Variants in ENOX2 observed in about 807,000 individuals in gnomAD.
ENOX2 encodes the protein ecto-NOX disulfide-thiol exchanger 2, also known as APK1 antigen.
Under a neutral mutation model 45.0 loss-of-function variants are expected in ENOX2, and 36 were observed. The observed-to-expected ratio is 0.80, with a 90% CI of 0.61 to 1.06. The LOEUF is 1.06. ENOX2 is among the 50% of genes least tolerant of loss of function. The probability of loss-of-function intolerance (pLI) is 0.00; values close to 1 mark genes in which losing one functional copy is unlikely to be tolerated. For synonymous variants in ENOX2, 174 were observed against 152.3 expected, an observed-to-expected ratio of 1.14 and a Z score of -1.05; for missense variants, 423 against 462.5, an observed-to-expected ratio of 0.91 and a Z score of 0.78.
intron 2 of ENOX2, among the ~76,000 whole-genome samples, chrX:130,890,548 C>T (rs1398341347): frequency 8.9e-6 from 1 of 112,518 alleles, no homozygotes; most frequent in Admixed American, 9.4e-5. Flanking sequence ...CGGGAAGACA[C>T]AGAACTAATT....
intron 2 of ENOX2, among the ~76,000 whole-genome samples, chrX:130,892,585 C>T (rs1173002888): frequency 8.9e-6 from 1 of 112,665 alleles, no homozygotes; most frequent in Admixed American, 9.4e-5. Flanking sequence ...TCCTCTGGCA[C>T]TAGCTCTGTT....
intron 3 of ENOX2, among the ~76,000 whole-genome samples, chrX:130,754,410 A>G (rs1243858040): frequency 9.0e-6 from 1 of 111,447 alleles, no homozygotes; most frequent in African/African-American, 3.3e-5. Context: ...GTATCTTTCA[A>G]ACACTGTCAC....
chrX:130,692,583 T>TC (rs1463552458), intron 4 of ENOX2, among the ~76,000 whole-genome samples: 1 of 104,896 alleles, frequency 9.5e-6, no homozygotes, highest in East Asian at 3.0e-4. Flanking sequence ...TCTCTCTGTT[T>TC]TTTTTTTTTT....
chrX:130,824,762 A>T (rs1403466906), intron 2 of ENOX2, among the ~76,000 whole-genome samples: 1 of 111,813 alleles, frequency 8.9e-6, no homozygotes, highest in Non-Finnish European at 1.9e-5. Context: ...CACATGGCCA[A>T]TAAACACATG....
intron 4 of ENOX2, among the ~76,000 whole-genome samples, chrX:130,693,771 G>T (rs1487630542): frequency 8.9e-6 from 1 of 112,068 alleles, no homozygotes; most frequent in African/African-American, 3.2e-5. Context: ...ATGGGCTCTA[G>T]AACTGCTTTA....
At chrX:130,870,777 G>T (rs1409589383) in intron 2 of ENOX2, among the ~76,000 whole-genome samples, 1 of 110,908 alleles carries the variant, frequency 9.0e-6, no homozygotes, top group Non-Finnish European at 1.9e-5. Context: ...TTCTTATTTT[G>T]CCCTCTTAAG....
intron 3 of ENOX2, 102 bp from the exon 4 acceptor site, chrX:130,703,356 G>C: frequency 2.4e-6 from 2 of 821,952 alleles, no homozygotes; most frequent in Non-Finnish European, 3.4e-6. Context: ...GAAATGGCTG[G>C]AGAAATGGAC....
chrX:130,645,745 T>A (rs1257084141), intron 10 of ENOX2: 1 of 811,205 alleles, frequency 1.2e-6, no homozygotes, highest in African/African-American at 2.0e-5. Context: ...GCAGCCATGG[T>A]GTGGCGCCGG....
At chrX:130,849,083 T>C (rs920551814) in intron 2 of ENOX2, among the ~76,000 whole-genome samples, 7 of 112,601 alleles carry the variant, frequency 6.2e-5, no homozygotes, top group African/African-American at 2.3e-4. Context: ...GGCTCAATTA[T>C]ACTTTTAAAG....
intron 3 of ENOX2, among the ~76,000 whole-genome samples, chrX:130,735,948 G>A (rs916024645): frequency 3.6e-5 from 4 of 112,111 alleles, no homozygotes; most frequent in Non-Finnish European, 5.6e-5. Flanking sequence ...AAATGTATGC[G>A]ATGAAATGCT....
Position 130,773,505 on chromosome X carries a change from G to T in ENOX2, c.-39+10042C>A, listed in dbSNP as rs1252203719. On this transcript the variant is annotated intron_variant, in intron 3 of 14. Coordinates refer to ENST00000394363, the MANE Select transcript of ENOX2 (RefSeq NM_006375.4). ...GTTTGCTTGAGTTTATACATGTAAA[G>T]CACTTGGTCATAGCGGTTGGCATAC... Among the ~76,000 whole-genome samples the T allele has an allele frequency of 2.7e-5, 3 of 112,262 alleles. No individual in the cohort carries two copies. The East Asian group carries it at 8.3e-4, about 31-fold the overall frequency.
At chrX:130,802,592 C>T (rs955270065) in intron 2 of ENOX2, among the ~76,000 whole-genome samples, 4 of 111,708 alleles carry the variant, frequency 3.6e-5, no homozygotes, top group Admixed American at 9.5e-5. Context: ...AGCTCAGAGA[C>T]GCTAAAGTGA....
chrX:130,870,455 C>T (rs1276949012), intron 2 of ENOX2, among the ~76,000 whole-genome samples: 2 of 111,652 alleles, frequency 1.8e-5, no homozygotes, highest in African/African-American at 6.5e-5. Context: ...TTTGTGGGAA[C>T]ATCTGTTTGT....
intron 2 of ENOX2, among the ~76,000 whole-genome samples, chrX:130,901,167 T>C (rs1248497779): frequency 4.5e-5 from 5 of 112,231 alleles, no homozygotes; most frequent in Admixed American, 3.8e-4. Context: ...AGTGAATCAT[T>C]TGGGTTTTGG....
intron 10 of ENOX2, among the ~76,000 whole-genome samples, chrX:130,654,879 A>G (rs1460618687): frequency 8.9e-6 from 1 of 112,160 alleles, no homozygotes; most frequent in Non-Finnish European, 1.9e-5. Flanking sequence ...AGCAAAATGC[A>G]ATTATATAAC....
At chrX:130,631,018 A>G (rs1020039522) in intron 13 of ENOX2, among the ~76,000 whole-genome samples, 48 of 110,618 alleles carry the variant, frequency 4.3e-4, no homozygotes, top group Admixed American at 3.2e-3. Context: ...ATTTGGTGTC[A>G]GAAGTGTTGT....
chrX:130,626,096 GAA>G (rs1470187996), intron 14 of ENOX2, among the ~76,000 whole-genome samples: 19 of 111,779 alleles, frequency 1.7e-4, no homozygotes, highest in Non-Finnish European at 3.2e-4. Context: ...AGGGGATCCT[GAA>G]AGACACCCAG....
At chrX:130,638,381 T>C (rs1052725998) in intron 10 of ENOX2, among the ~76,000 whole-genome samples, 1 of 109,551 alleles carries the variant, frequency 9.1e-6, no homozygotes, top group Non-Finnish European at 1.9e-5. Context: ...TTTCTTAATA[T>C]GCACGTTTTC....
chrX:130,804,697 C>T (rs975255248), intron 2 of ENOX2, among the ~76,000 whole-genome samples: 2 of 111,881 alleles, frequency 1.8e-5, no homozygotes, highest in East Asian at 2.8e-4. Context: ...TTAGAATTCA[C>T]GTCAATTTTT....
Sources: allele counts gnomAD v4.1 joint callset (sites outside exome capture counted in the v4.1 genomes callset), GRCh38; gene constraint gnomAD v4.1.1; transcripts MANE v1.5; gene names NCBI Gene and HGNC (gene_info 2026-07-23, HGNC 2026-07-21).